Variants in SDK1 observed in about 807,000 individuals in gnomAD.
SDK1 encodes protein sidekick-1.
SDK1 carries 157 observed loss-of-function variants against 245.5 expected under a neutral mutation model. The ratio of observed to expected loss-of-function variants is 0.64; its 90% CI spans 0.56 to 0.73. The LOEUF is 0.73. Among genes scored for constraint, SDK1 ranks in the 30% least tolerant of loss-of-function variants. The probability of loss-of-function intolerance (pLI) is 0.00; values close to 1 mark genes in which losing one functional copy is unlikely to be tolerated. For synonymous variants in SDK1, 1,647 were observed against 1,278.5 expected (o/e 1.29, Z -6.15); for missense variants, 3,583 against 3,002.3 (o/e 1.19, Z -4.52).
At chr7:4,104,218 C>G (rs1422527958) in intron 22 of SDK1, among the ~76,000 whole-genome samples, 1 of 152,214 alleles carries the variant, frequency 6.6e-6, no homozygotes, top group Non-Finnish European at 1.5e-5. Context: ...CACCACCACA[C>G]CTAGCTAGAT....
In SDK1 at chr7:4,267,874, G is replaced by T. The variant is rs750692051; in HGVS notation, c.*2490G>T. ...TTAGGACAGCGCCCATGCCTCGGAG[G>T]GACTCTGTCCCATGAGAACCACCTG... On this transcript the variant is annotated 3_prime_UTR_variant, in exon 45 of 45. Transcript: ENST00000404826. 1.3e-5 allele frequency: 13 copies of T among 985,406 alleles called. No homozygotes were observed. The highest frequency in any genetic ancestry group is 1.4e-5 in the Non-Finnish European group (12 of 830,052). 61.0% of individuals were successfully genotyped at this position (985,406 alleles called of 1,614,324 possible).
At chr7:3,798,678 G>A (rs1216268205) in intron 4 of SDK1, among the ~76,000 whole-genome samples, 1 of 152,178 alleles carries the variant, frequency 6.6e-6, no homozygotes, top group African/African-American at 2.4e-5. Flanking sequence ...ACTCGGCTAA[G>A]GCGGTGTCAG....
At chr7:4,025,303 G>A (rs555092804) in intron 17 of SDK1, among the ~76,000 whole-genome samples, 2 of 152,344 alleles carry the variant, frequency 1.3e-5, no homozygotes, top group South Asian at 4.1e-4. Context: ...GGATTCATCA[G>A]GGTCTCGGCT....
At chr7:4,209,853 T>C (rs1784422553) in intron 37 of SDK1, among the ~76,000 whole-genome samples, 172 bp from the exon 38 acceptor site, 1 of 152,254 alleles carries the variant, frequency 6.6e-6, no homozygotes, top group Non-Finnish European at 1.5e-5. Context: ...TGATTGATCC[T>C]CGGAAGTTCT....
chr7:4,104,338 G>A (rs534000735), intron 22 of SDK1, among the ~76,000 whole-genome samples: 3 of 152,202 alleles, frequency 2.0e-5, no homozygotes, highest in Non-Finnish European at 4.4e-5. Flanking sequence ...TGGGATTATA[G>A]GCGTGAGCCA....
At chr7:3,397,078 G>T (rs1052074300) in intron 1 of SDK1, among the ~76,000 whole-genome samples, 1 of 151,618 alleles carries the variant, frequency 6.6e-6, no homozygotes, top group Non-Finnish European at 1.5e-5. Flanking sequence ...ATTCAGTTCA[G>T]GTTAATCCTG....
rs576419705 is a variant in SDK1, at chr7:3,554,080, G to T, written c.299-65000G>T. Among the ~76,000 whole-genome samples the T allele has an allele frequency of 2.0e-4, 31 of 152,258 alleles. No individual in the cohort carries two copies. The South Asian group carries it at 3.7e-3, about 18-fold the overall frequency. On this transcript the variant is annotated intron_variant, in intron 1 of 44. Transcript: ENST00000404826. ...ACAGGAAATCAGCAAGGATGTAGAA[G>T]GTCTGAACAACACAATCAAGCAACA... is the stretch of plus-strand genomic sequence containing the variant.
chr7:4,166,425 C>T (rs1478985336), intron 32 of SDK1, among the ~76,000 whole-genome samples: 4 of 152,352 alleles, frequency 2.6e-5, no homozygotes, highest in South Asian at 2.1e-4. Context: ...CTAACTCTGG[C>T]CAGAGGGGCA....
At chr7:3,909,448 G>A (rs947940309) in intron 5 of SDK1, among the ~76,000 whole-genome samples, 1 of 152,160 alleles carries the variant, frequency 6.6e-6, no homozygotes, top group African/African-American at 2.4e-5. Context: ...CCGTCCTCCA[G>A]TTGTGGCCTC....
At chr7:3,815,051 G>A (rs1267524739) in intron 4 of SDK1, among the ~76,000 whole-genome samples, 63 of 118,284 alleles carry the variant, frequency 5.3e-4, no homozygotes, top group African/African-American at 1.3e-3. Flanking sequence ...CAATCATGTC[G>A]TCTGCAAACA....
At chr7:3,849,892 A>C (rs1780376157) in intron 5 of SDK1, among the ~76,000 whole-genome samples, 1 of 152,250 alleles carries the variant, frequency 6.6e-6, no homozygotes, top group Non-Finnish European at 1.5e-5. Flanking sequence ...TTATGAAGGC[A>C]GTGCTTGGCC....
chr7:4,132,487 C>G, intron 28 of SDK1, 64 bp downstream of exon 28: 2 of 1,167,082 alleles, frequency 1.7e-6, no homozygotes, highest in Admixed American at 3.9e-5. Context: ...CTTGGGAGAC[C>G]GAGGCAGGTG....
At chr7:4,187,494 A>G (rs1326413437) in intron 35 of SDK1, among the ~76,000 whole-genome samples, 1 of 152,210 alleles carries the variant, frequency 6.6e-6, no homozygotes, top group Admixed American at 6.5e-5. Context: ...CTCAGGTTGC[A>G]TTCCTCTTTC....
At chr7:3,636,231 T>C (rs991569732) in intron 2 of SDK1, among the ~76,000 whole-genome samples, 1 of 152,164 alleles carries the variant, frequency 6.6e-6, no homozygotes, top group African/African-American at 2.4e-5. Context: ...TAAAAACACA[T>C]AAAACTTACC....
intron 44 of SDK1, among the ~76,000 whole-genome samples, chr7:4,252,897 C>G (rs1235230785): frequency 6.8e-6 from 1 of 147,490 alleles, no homozygotes; most frequent in Non-Finnish European, 1.5e-5. Context: ...TTAATGCTAC[C>G]TCATTAATCT....
intron 35 of SDK1, 62 bp downstream of exon 35, chr7:4,178,648 G>A (rs2128219087): frequency 3.4e-6 from 4 of 1,188,340 alleles, no homozygotes; most frequent in South Asian, 1.2e-5. Context: ...GGACAGCCAG[G>A]CACGCTGCGG....
chr7:4,262,094 A>ATC (rs1312862802), intron 44 of SDK1, among the ~76,000 whole-genome samples: 1 of 113,958 alleles, frequency 8.8e-6, no homozygotes, highest in Non-Finnish European at 1.6e-5. Flanking sequence ...CAGTGGCGAG[A>ATC]TCTCGGCTCA....
At chr7:3,706,613 A>G (rs1470432301) in intron 4 of SDK1, among the ~76,000 whole-genome samples, 2 of 152,192 alleles carry the variant, frequency 1.3e-5, no homozygotes, top group African/African-American at 4.8e-5. Flanking sequence ...CATGTTAGCC[A>G]GGATGGTTGC....
At chr7:3,419,842 C>T (rs1241058357) in intron 1 of SDK1, among the ~76,000 whole-genome samples, 1 of 152,132 alleles carries the variant, frequency 6.6e-6, no homozygotes, top group Non-Finnish European at 1.5e-5. Flanking sequence ...TTAGTATGGC[C>T]TGGTATTAAT....
Sources: gnomAD v4.1 joint callset for allele counts (sites outside exome capture counted in the v4.1 genomes callset) on GRCh38, gnomAD v4.1.1 for gene constraint, MANE v1.5 for transcripts, NCBI Gene and HGNC (gene_info 2026-07-23, HGNC 2026-07-21) for gene names.